Variants in DHX35 observed in about 807,000 individuals in gnomAD.
DHX35 encodes the protein DEAH-box helicase 35, also known as probable ATP-dependent RNA helicase DHX35.
A neutral mutation model predicts 99.6 loss-of-function variants in DHX35; 84 were observed. That is an observed-to-expected ratio of 0.84 (90% confidence interval 0.71 to 1.01). DHX35 has a LOEUF of 1.01. DHX35 is among the 50% of genes least tolerant of loss of function. The pLI is 0.00. For synonymous variants in DHX35, 331 were observed against 316.2 expected, an observed-to-expected ratio of 1.05 and a Z score of -0.50; for missense variants, 852 against 888.5, an observed-to-expected ratio of 0.96 and a Z score of 0.52.
At chr20:38,976,699 C>T (rs776019966) in intron 3 of DHX35, among the ~76,000 whole-genome samples, 2 of 152,130 alleles carry the variant, frequency 1.3e-5, no homozygotes, top group Non-Finnish European at 2.9e-5. Context: ...CTTATTCCTC[C>T]TATATAACTA....
chr20:39,013,800 A>G (rs2086740608), intron 13 of DHX35, among the ~76,000 whole-genome samples: 1 of 152,244 alleles, frequency 6.6e-6, no homozygotes, highest in Non-Finnish European at 1.5e-5. Context: ...TGGATCATTT[A>G]CATGATTTGC....
chr20:38,989,653 G>C (rs554093012), intron 5 of DHX35, among the ~76,000 whole-genome samples: 70 of 152,220 alleles, frequency 4.6e-4, no homozygotes, highest in Non-Finnish European at 8.8e-5. Context: ...CCTGTAAAAG[G>C]CTTAAAAATA....
intron 5 of DHX35, 55 bp downstream of exon 5, chr20:38,988,972 G>T: frequency 6.3e-7 from 1 of 1,592,872 alleles, no homozygotes; most frequent in South Asian, 1.1e-5. Flanking sequence ...GTTATTTTGG[G>T]AGAATTAAAA....
At chr20:39,017,756 T>A (rs970567579) in intron 14 of DHX35, among the ~76,000 whole-genome samples, 1 of 152,050 alleles carries the variant, frequency 6.6e-6, no homozygotes, top group African/African-American at 2.4e-5. Context: ...GTTGAAAGAG[T>A]CAGCCCAGTT....
At chr20:39,007,008 T>C (rs1185665224) in intron 12 of DHX35, among the ~76,000 whole-genome samples, 1 of 152,248 alleles carries the variant, frequency 6.6e-6, no homozygotes, top group Non-Finnish European at 1.5e-5. Context: ...TGGGGAATGC[T>C]GCTGACATTT....
At chr20:38,999,174 CAA>C (rs2086478092) in intron 8 of DHX35, among the ~76,000 whole-genome samples, 1 of 152,048 alleles carries the variant, frequency 6.6e-6, no homozygotes, top group Non-Finnish European at 1.5e-5. Context: ...TCTACTCTAA[CAA>C]AATTGTCAAG....
At chr20:38,982,990 A>G (rs2086196679) in intron 3 of DHX35, among the ~76,000 whole-genome samples, 1 of 148,516 alleles carries the variant, frequency 6.7e-6, no homozygotes, top group Admixed American at 6.7e-5. Flanking sequence ...CAGTGGCAGG[A>G]TCTTGGCTCA....
intron 12 of DHX35, among the ~76,000 whole-genome samples, chr20:39,009,386 G>A (rs2145910088): frequency 6.6e-6 from 1 of 150,864 alleles, no homozygotes; most frequent in Non-Finnish European, 1.5e-5. Context: ...GTTTTTCGGG[G>A]ATAGTGGTAT....
At chr20:38,974,265 G>C (rs146603293) in intron 3 of DHX35, among the ~76,000 whole-genome samples, 1 of 152,352 alleles carries the variant, frequency 6.6e-6, no homozygotes, top group Non-Finnish European at 1.5e-5. Context: ...TCTAGAGAAG[G>C]ATGGTGTAAC....
chr20:39,001,332 A>G (rs1006465297), intron 8 of DHX35, among the ~76,000 whole-genome samples: 5 of 152,218 alleles, frequency 3.3e-5, no homozygotes, highest in Non-Finnish European at 5.9e-5. Context: ...TTTTCCAGAT[A>G]GAGTTACCCA....
At chr20:39,030,836 C>G in intron 20 of DHX35, 61 bp downstream of exon 20, 1 of 1,557,678 alleles carries the variant, frequency 6.4e-7, no homozygotes, top group East Asian at 2.2e-5. Context: ...TCTTGTTTTT[C>G]TCCTGTACAT....
intron 2 of DHX35, among the ~76,000 whole-genome samples, chr20:38,970,079 C>T (rs2085971254): frequency 6.6e-6 from 1 of 152,100 alleles, no homozygotes; most frequent in South Asian, 2.1e-4. Context: ...ATCTATCTGT[C>T]TGTCTGTCTG....
chr20:39,028,984 C>T (rs1412184912), intron 19 of DHX35, among the ~76,000 whole-genome samples: 3 of 152,316 alleles, frequency 2.0e-5, no homozygotes, highest in Middle Eastern at 3.4e-3. Context: ...CTGATTCTTC[C>T]AGTTCCATTT....
At chr20:38,997,150 A>G (rs200731139) in intron 8 of DHX35, among the ~76,000 whole-genome samples, 2 of 151,874 alleles carry the variant, frequency 1.3e-5, no homozygotes, top group Admixed American at 1.3e-4. Flanking sequence ...AGCTCACTGC[A>G]ACCTCTGCTT....
intron 18 of DHX35, among the ~76,000 whole-genome samples, chr20:39,026,229 G>T (rs1039401148): frequency 6.6e-6 from 1 of 152,178 alleles, no homozygotes; most frequent in Non-Finnish European, 1.5e-5. Flanking sequence ...TCACAACAAC[G>T]CTGTGAAACG....
intron 19 of DHX35, 193 bp from the exon 20 acceptor site, chr20:39,030,511 G>A (rs2087031067): frequency 1.7e-6 from 1 of 572,402 alleles, no homozygotes; most frequent in Admixed American, 3.3e-5. Context: ...TTTTCCACGT[G>A]ATTTATTCTT....
chr20:39,001,856 T>TA lies in DHX35; in HGVS notation c.755+14_755+15insA. ...TTATCTACAAAGGTTTGATGATGCTTGAATTCTGGATGATGGTGTTTAGAA... is the reference window on the plus strand; with the variant it reads ...TTATCTACAAAGGTTTGATGATGCTTAGAATTCTGGATGATGGTGTTTAGAA... On this transcript the variant is annotated intron_variant, in intron 9 of 21. Coordinates refer to ENST00000252011, the MANE Select transcript of DHX35 (RefSeq NM_021931.4). 1 of 1,573,846 alleles carries TA rather than the reference T, an allele frequency of 6.4e-7. No individual in the cohort carries two copies. The highest frequency in any genetic ancestry group is 1.3e-5 in the African/African-American group (1 of 74,112).
chr20:38,997,391 C>T (rs1030755022), intron 8 of DHX35, among the ~76,000 whole-genome samples: 2 of 152,086 alleles, frequency 1.3e-5, no homozygotes, highest in Admixed American at 6.6e-5. Flanking sequence ...TTAATTAATA[C>T]TTACTAATTG....
chr20:38,989,097 CTTTTT>C (rs375064892), intron 5 of DHX35, among the ~76,000 whole-genome samples, 180 bp downstream of exon 5: 2 of 125,326 alleles, frequency 1.6e-5, no homozygotes. Context: ...TTCCTTTTTT[CTTTTT>C]TTTTTTTTTT....
Sources: gnomAD v4.1 joint callset for allele counts (sites outside exome capture counted in the v4.1 genomes callset) on GRCh38, gnomAD v4.1.1 for gene constraint, MANE v1.5 for transcripts, NCBI Gene and HGNC (gene_info 2026-07-23, HGNC 2026-07-21) for gene names.